Variants in ZNF423 observed in about 807,000 individuals in gnomAD.
ZNF423 encodes zinc finger protein 423, also known as Ebf-associated zinc finger protein.
ZNF423 carries 12 observed loss-of-function variants against 95.8 expected under a neutral mutation model. The observed-to-expected ratio is 0.13, with a 90% CI of 0.08 to 0.20. ZNF423 has a LOEUF of 0.20. ZNF423 is among the 10% of genes least tolerant of loss of function. The probability of loss-of-function intolerance (pLI) is 1.00; values close to 1 mark genes in which losing one functional copy is unlikely to be tolerated. For synonymous variants in ZNF423, 749 were observed against 711.9 expected (o/e 1.05, Z -0.83); for missense variants, 1,316 against 1,737.1 (o/e 0.76, Z 4.31).
At chr16:49,559,850 G>C (rs1969960208) in intron 5 of ZNF423, among the ~76,000 whole-genome samples, 1 of 152,150 alleles carries the variant, frequency 6.6e-6, no homozygotes, top group Admixed American at 6.5e-5. Context: ...TCCCAGTCAA[G>C]AAAGCCCACA....
chr16:49,718,124 A>T (rs1036287236), intron 3 of ZNF423, among the ~76,000 whole-genome samples: 5 of 150,216 alleles, frequency 3.3e-5, no homozygotes, highest in East Asian at 1.9e-4. Flanking sequence ...AGATGCTTTT[A>T]AAAAAAGCCT....
intron 5 of ZNF423, among the ~76,000 whole-genome samples, 198 bp from the exon 6 acceptor site, chr16:49,525,692 C>T (rs563280966): frequency 6.6e-6 from 1 of 152,102 alleles, no homozygotes; most frequent in Non-Finnish European, 1.5e-5. Flanking sequence ...CCCAGAGGAC[C>T]GGCTCCAAAT....
At chr16:49,598,258 C>A (rs1023043858) in intron 5 of ZNF423, among the ~76,000 whole-genome samples, 9 of 152,248 alleles carry the variant, frequency 5.9e-5, no homozygotes. Context: ...AGGTGTGTTA[C>A]TGAACCTCTC....
At chr16:49,557,227 C>T (rs533031126) in intron 5 of ZNF423, among the ~76,000 whole-genome samples, 12 of 152,334 alleles carry the variant, frequency 7.9e-5, no homozygotes, top group East Asian at 3.9e-4. Context: ...ATTCCTAGGG[C>T]GCGAGCAGCT....
chr16:49,654,334 C>T (rs1033008905), intron 3 of ZNF423, among the ~76,000 whole-genome samples: 1 of 152,228 alleles, frequency 6.6e-6, no homozygotes, highest in Non-Finnish European at 1.5e-5. Context: ...AGGGTGGTCT[C>T]CTGCATGGCT....
At chr16:49,595,602 AG>A (rs1326216401) in intron 5 of ZNF423, among the ~76,000 whole-genome samples, 1 of 152,246 alleles carries the variant, frequency 6.6e-6, no homozygotes, top group African/African-American at 2.4e-5. Flanking sequence ...TTTTCTGTGC[AG>A]TTAGTTCTGA....
chr16:49,808,155 G>A (rs2034695244), intron 1 of ZNF423, among the ~76,000 whole-genome samples: 2 of 151,892 alleles, frequency 1.3e-5, no homozygotes, highest in Admixed American at 1.3e-4. Flanking sequence ...TCGAGCTCCT[G>A]GGCTCAAACC....
rs1233593196 is a variant in ZNF423 at position 49,855,381 on chromosome 16, GA to G, written c.40+353del. ...CCGCCAAGTCGGGCCAGCACCCCTT[GA>G]TTGGCCACACGGGCCCGGGCCCCGC... On this transcript the variant is annotated intron_variant, in intron 1 of 7. Transcript: ENST00000563137. This position sits in a 1 kb window ranked among gnomAD's most constrained non-coding sequence, Gnocchi z 4.7. 6.8e-6 allele frequency among the ~76,000 whole-genome samples: 1 copy of G among 147,470 alleles called. No homozygotes were observed. The highest frequency in any genetic ancestry group is 2.0e-4 in the East Asian group (1 of 4,904).
At position 49,600,133 on chromosome 16, in the gene ZNF423, G is replaced by A. The variant is rs951224831; in HGVS notation, c.3601+26037C>T. Among the ~76,000 whole-genome samples the A allele has an allele frequency of 6.6e-5, 10 of 152,148 alleles. No individual in the cohort carries two copies. The East Asian group carries it at 1.7e-3, about 27-fold the overall frequency. The stretch of plus-strand genomic sequence containing the variant: ...TTGAGACCAGCCTGGCCAACATGGT[G>A]AAACCCTGTCTCTACCAAAAATACA... On this transcript the variant is annotated intron_variant, in intron 5 of 7. Transcript: ENST00000563137.
chr16:49,540,792 G>A (rs1198863108), intron 5 of ZNF423, among the ~76,000 whole-genome samples: 1 of 152,110 alleles, frequency 6.6e-6, no homozygotes, highest in Admixed American at 6.5e-5. Flanking sequence ...CTCAGGTGGG[G>A]ACCTGCACCC....
intron 1 of ZNF423, among the ~76,000 whole-genome samples, chr16:49,803,993 T>C (rs1214582138): frequency 2.0e-5 from 3 of 146,970 alleles, no homozygotes; most frequent in Non-Finnish European, 4.5e-5. Flanking sequence ...TGGAGTGCAG[T>C]GGTGAGATCT....
chr16:49,565,403 G>A (rs1970157056), intron 5 of ZNF423, among the ~76,000 whole-genome samples: 2 of 152,164 alleles, frequency 1.3e-5, no homozygotes, highest in Admixed American at 1.3e-4. Context: ...CCCAAGGAAA[G>A]CCAAAAGGCT....
intron 3 of ZNF423, among the ~76,000 whole-genome samples, chr16:49,703,353 A>C (rs2032252456): frequency 6.6e-6 from 1 of 152,158 alleles, no homozygotes; most frequent in Admixed American, 6.5e-5. Flanking sequence ...ACTTCAATTT[A>C]ATTTTTAGGC....
At chr16:49,679,971 T>C (rs2031280274) in intron 3 of ZNF423, among the ~76,000 whole-genome samples, 1 of 152,096 alleles carries the variant, frequency 6.6e-6, no homozygotes, top group Admixed American at 6.5e-5. Context: ...GCTACCCACT[T>C]CGGGTCTCCT....
At chr16:49,496,897 C>T (rs1967184463) in intron 7 of ZNF423, among the ~76,000 whole-genome samples, 1 of 152,184 alleles carries the variant, frequency 6.6e-6, no homozygotes, top group Non-Finnish European at 1.5e-5. Context: ...ACAGTGAGGG[C>T]CTCATAGAGG....
intron 5 of ZNF423, among the ~76,000 whole-genome samples, chr16:49,545,872 T>G (rs755765433): frequency 2.6e-5 from 4 of 152,198 alleles, no homozygotes; most frequent in Non-Finnish European, 5.9e-5. Context: ...TCATAAAATC[T>G]CTACGAGGAG....
intron 5 of ZNF423, among the ~76,000 whole-genome samples, chr16:49,622,050 G>T (rs571361471): frequency 6.6e-6 from 1 of 152,306 alleles, no homozygotes; most frequent in East Asian, 1.9e-4. Flanking sequence ...TAAGTCCAAG[G>T]TTTAAACTCA....
intron 3 of ZNF423, among the ~76,000 whole-genome samples, chr16:49,720,853 C>G (rs2032845012): frequency 6.6e-6 from 1 of 152,210 alleles, no homozygotes; most frequent in South Asian, 2.1e-4. Context: ...ATGGAGCTGC[C>G]CTGATTCCCC....
At chr16:49,763,678 A>G (rs2033873271) in intron 2 of ZNF423, among the ~76,000 whole-genome samples, 1 of 152,102 alleles carries the variant, frequency 6.6e-6, no homozygotes, top group Admixed American at 6.5e-5. Context: ...CCTTTGCTCA[A>G]CATGATGTCT....
Sources: gnomAD v4.1 joint callset for allele counts (sites outside exome capture counted in the v4.1 genomes callset) on GRCh38, gnomAD v4.1.1 for gene constraint, Gnocchi (gnomAD v3.1) non-coding constraint, MANE v1.5 for transcripts, NCBI Gene and HGNC (gene_info 2026-07-23, HGNC 2026-07-21) for gene names.